NTN4: variants seen among roughly 807,000 people sequenced by gnomAD.
NTN4 encodes netrin 4.
NTN4 carries 32 observed loss-of-function variants against 73.6 expected under a neutral mutation model. The observed-to-expected ratio is 0.44, with a 90% CI of 0.33 to 0.58. The LOEUF (loss-of-function observed/expected upper bound fraction) is 0.58. NTN4 is among the 20% of genes least tolerant of loss of function. NTN4 has a pLI of 0.04. For missense variants in NTN4, 654 were observed against 798.3 expected (o/e 0.82, Z 2.18); for synonymous variants, 258 against 287.5 (o/e 0.90, Z 1.04).
chr12:95,740,770 T>A (rs1196830472), intron 2 of NTN4, among the ~76,000 whole-genome samples: 2 of 152,138 alleles, frequency 1.3e-5, no homozygotes, highest in African/African-American at 2.4e-5. Flanking sequence ...AACATAAACA[T>A]CTTTATATAC....
chr12:95,778,951 T>C (rs184504145), intron 2 of NTN4, among the ~76,000 whole-genome samples: 1 of 152,298 alleles, frequency 6.6e-6, no homozygotes, highest in Admixed American at 6.5e-5. Flanking sequence ...ATCAAAACGC[T>C]TACCCACCAT....
intron 5 of NTN4, among the ~76,000 whole-genome samples, chr12:95,698,456 A>C (rs2078458345): frequency 6.6e-6 from 1 of 152,168 alleles, no homozygotes; most frequent in Non-Finnish European, 1.5e-5. Flanking sequence ...TATTCAGTGA[A>C]TTACTGCATT....
At chr12:95,756,828 C>G (rs1311479065) in intron 2 of NTN4, among the ~76,000 whole-genome samples, 4 of 151,966 alleles carry the variant, frequency 2.6e-5, no homozygotes, top group Non-Finnish European at 5.9e-5. Context: ...GCCTGCCCAG[C>G]TGTTGCCCAT....
At chr12:95,735,797 T>C (rs180705026) in intron 3 of NTN4, among the ~76,000 whole-genome samples, 153 of 152,230 alleles carry the variant, frequency 1.0e-3, no homozygotes, top group African/African-American at 3.6e-3. Context: ...AGAATTTTTA[T>C]CTTCAGCCTT....
chr12:95,668,148 T>TG, intron 8 of NTN4, among the ~76,000 whole-genome samples: 1 of 151,918 alleles, frequency 6.6e-6, no homozygotes, highest in Admixed American at 6.6e-5. Flanking sequence ...CAAGTGTTTT[T>TG]TTTTTTTTTT....
At chr12:95,710,664 A>G in intron 4 of NTN4, 35 bp from the exon 5 acceptor site, 1 of 1,586,792 alleles carries the variant, frequency 6.3e-7, no homozygotes, top group Non-Finnish European at 8.6e-7. Context: ...AACACTAATA[A>G]GTAAAAATAA....
At chr12:95,731,910 C>T (rs2078739988) in intron 3 of NTN4, among the ~76,000 whole-genome samples, 1 of 152,116 alleles carries the variant, frequency 6.6e-6, no homozygotes, top group African/African-American at 2.4e-5. Context: ...TAATGATACT[C>T]CATGTAGTTG....
chr12:95,753,369 C>T (rs180670689), intron 2 of NTN4, among the ~76,000 whole-genome samples: 3,788 of 147,546 alleles, frequency 0.026, 180 homozygotes, highest in African/African-American at 0.09. Context: ...TTGTCCCCAC[C>T]CAGGACTGGC....
intron 2 of NTN4, among the ~76,000 whole-genome samples, chr12:95,775,175 C>T (rs1195588981): frequency 6.6e-6 from 1 of 152,154 alleles, no homozygotes; most frequent in African/African-American, 2.4e-5. Context: ...TTTTCCCATA[C>T]CTTAAAACAT....
intron 3 of NTN4, among the ~76,000 whole-genome samples, chr12:95,715,388 T>G (rs2078597864): frequency 6.6e-6 from 1 of 152,176 alleles, no homozygotes; most frequent in East Asian, 1.9e-4. Context: ...AAAGATGATG[T>G]TGCAAAAATT....
chr12:95,713,395 A>G, intron 3 of NTN4, 57 bp from the exon 4 acceptor site: 1 of 1,491,084 alleles, frequency 6.7e-7, no homozygotes, highest in South Asian at 1.4e-5. Context: ...GAAGAACAGA[A>G]CATGCTTCCC....
chr12:95,789,353 A>C lies in NTN4; in HGVS notation c.55+902T>G, dbSNP rs1337551370. ...CAGGCGCCCCTTTCTGAAGCAGTCA[A>C]GATCCGCACGAGAGACTGGATGTCT... On this transcript the variant is annotated intron_variant, in intron 1 of 9. Coordinates refer to ENST00000343702, the MANE Select transcript of NTN4 (RefSeq NM_021229.4). This position sits in a 1 kb window ranked among gnomAD's most constrained non-coding sequence, Gnocchi z 4.0. 2.6e-5 allele frequency among the ~76,000 whole-genome samples: 4 copies of C among 152,206 alleles called. No homozygotes were observed. The highest frequency in any genetic ancestry group is 7.2e-5 in the African/African-American group (3 of 41,456).
At chr12:95,759,861 G>A (rs74239005) in intron 2 of NTN4, among the ~76,000 whole-genome samples, 5,261 of 152,092 alleles carry the variant, frequency 0.035, 275 homozygotes, top group East Asian at 0.28. Context: ...TCTTCCACAT[G>A]TTCATGTTCT....
At chr12:95,771,562 T>G (rs1224435179) in intron 2 of NTN4, among the ~76,000 whole-genome samples, 1 of 152,170 alleles carries the variant, frequency 6.6e-6, no homozygotes, top group Non-Finnish European at 1.5e-5. Flanking sequence ...TTTCATAACA[T>G]TAAGCAGAAA....
intron 8 of NTN4, among the ~76,000 whole-genome samples, chr12:95,667,346 G>A (rs1008900351): frequency 4.6e-5 from 7 of 151,508 alleles, no homozygotes; most frequent in Non-Finnish European, 7.4e-5. Context: ...CACCACGCCC[G>A]GCTAATTTTC....
chr12:95,694,164 C>T (rs547451905), intron 5 of NTN4, among the ~76,000 whole-genome samples: 1 of 152,302 alleles, frequency 6.6e-6, no homozygotes, highest in East Asian at 1.9e-4. Flanking sequence ...TACCTGATGG[C>T]TCTAACTTTT....
chr12:95,781,129 T>TCA lies in NTN4; in HGVS notation c.585+5808_585+5809dup, dbSNP rs1253295695. ...ACACTTGGGCACAGGAAGGGGAACA[T>TCA]CACACACACACCGGGGCCTGTTGTG... On this transcript the variant is annotated intron_variant, in intron 2 of 9. Coordinates refer to ENST00000343702, the MANE Select transcript of NTN4 (RefSeq NM_021229.4). This position sits in a 1 kb window ranked among gnomAD's most constrained non-coding sequence, Gnocchi z 4.1. 2.0e-5 allele frequency among the ~76,000 whole-genome samples: 3 copies of TCA among 151,894 alleles called. No homozygotes were observed. The highest frequency in any genetic ancestry group is 4.4e-5 in the Non-Finnish European group (3 of 67,972).
rs572420929 is a variant in NTN4, at chr12:95,737,295, CAG to C, written c.864+569_864+570del. ...AGGATACAAAGATCATACAGTTCCT[CAG>C]AGAGTTCGTGGTCTCCTGGGGGATG... On this transcript the variant is annotated intron_variant, in intron 3 of 9. Coordinates refer to ENST00000343702, the MANE Select transcript of NTN4 (RefSeq NM_021229.4). Among the ~76,000 whole-genome samples, 6 of 152,274 alleles carry C rather than the reference CAG, an allele frequency of 3.9e-5. No individual in the cohort carries two copies. In the East Asian group the frequency reaches 9.6e-4, roughly 24 times the overall value.
In NTN4 at chr12:95,658,539, A is replaced by C. The variant is rs982889529; in HGVS notation, c.*547T>G. 4.6e-5 allele frequency: 7 copies of C among 152,646 alleles called. No individual in the cohort carries two copies. The highest frequency in any genetic ancestry group is 1.7e-4 in the African/African-American group (7 of 41,444). 9.5% of individuals were successfully genotyped at this position (152,646 alleles called of 1,614,324 possible). A position where few individuals can be genotyped will look rare whatever the true frequency, so the allele number is the denominator to read the frequency against. On this transcript the variant is annotated 3_prime_UTR_variant, in exon 10 of 10. Coordinates refer to ENST00000343702, the MANE Select transcript of NTN4 (RefSeq NM_021229.4). ...TTCCTTCTTTCAACAGCAGTCACCA[A>C]ACGTTCACAACACAAGTGGTAGGTA...
Sources: gnomAD v4.1 joint callset for allele counts (sites outside exome capture counted in the v4.1 genomes callset) on GRCh38, gnomAD v4.1.1 for gene constraint, Gnocchi (gnomAD v3.1) non-coding constraint, MANE v1.5 for transcripts, NCBI Gene and HGNC (gene_info 2026-07-23, HGNC 2026-07-21) for gene names.